Variants in GK observed in about 807,000 individuals in gnomAD.
GK encodes glycerol kinase.
In GK, 9 loss-of-function variants were observed where a neutral mutation model predicts 56.4. That is an observed-to-expected ratio of 0.16 (90% CI 0.10 to 0.28). The LOEUF (loss-of-function observed/expected upper bound fraction) is 0.28, where lower values mean the gene tolerates loss of function less well. Ranked by LOEUF, GK falls within the 10% of genes least tolerant of loss-of-function variation. The pLI, the probability that GK is intolerant of heterozygous loss-of-function variation, is 1.00. For missense variants in GK, 161 were observed against 431.4 expected (o/e 0.37, Z 5.55); for synonymous variants, 104 against 144.1 (o/e 0.72, Z 1.99).
intron 3 of GK, among the ~76,000 whole-genome samples, chrX:30,676,416 A>T (rs768569592): frequency 4.5e-5 from 5 of 112,259 alleles, no homozygotes; most frequent in South Asian, 3.7e-4. Context: ...TCTAGAGAAG[A>T]TTTGAGCTTG....
intron 9 of GK, 182 bp from the exon 10 acceptor site, chrX:30,700,232 C>T: frequency 2.4e-6 from 1 of 415,275 alleles, no homozygotes; most frequent in Non-Finnish European, 4.2e-6. Context: ...ACATCTCTTC[C>T]TGTCATTCTA....
intron 13 of GK, among the ~76,000 whole-genome samples, chrX:30,712,909 A>G (rs1383404012): frequency 9.2e-6 from 1 of 108,366 alleles, no homozygotes; most frequent in African/African-American, 3.4e-5. Context: ...TATTTTTAGT[A>G]AAGACTGGAA....
chrX:30,672,936 A>C (rs1042591145), intron 3 of GK, among the ~76,000 whole-genome samples: 1 of 111,944 alleles, frequency 8.9e-6, no homozygotes, highest in Admixed American at 9.6e-5. Flanking sequence ...TTTTCTCCTA[A>C]AAAATGTGTT....
chrX:30,662,726 T>C (rs781217206), intron 1 of GK, among the ~76,000 whole-genome samples: 2 of 103,931 alleles, frequency 1.9e-5, no homozygotes, highest in Admixed American at 1.1e-4. Flanking sequence ...TCTTTCTTTC[T>C]TTCTTTCTTT....
chrX:30,697,191 A>T (rs1046140841), intron 8 of GK, among the ~76,000 whole-genome samples: 4 of 112,227 alleles, frequency 3.6e-5, no homozygotes, highest in African/African-American at 1.3e-4. Flanking sequence ...TTTACTTTTG[A>T]TTTCACTGAA....
intron 20 of GK, among the ~76,000 whole-genome samples, chrX:30,728,356 T>G (rs1937229269): frequency 9.0e-6 from 1 of 111,061 alleles, no homozygotes; most frequent in South Asian, 3.8e-4. Flanking sequence ...AATTCATGAT[T>G]AGGGTTTCAT....
At chrX:30,669,816 T>C (rs765470210) in intron 3 of GK, among the ~76,000 whole-genome samples, 1 of 111,584 alleles carries the variant, frequency 9.0e-6, no homozygotes, top group Non-Finnish European at 1.9e-5. Context: ...TACAAATCTA[T>C]AGAGTGCCTA....
chrX:30,674,398 A>T (rs1179249408), intron 3 of GK: 1 of 329,355 alleles, frequency 3.0e-6, no homozygotes, highest in Non-Finnish European at 5.9e-6. Flanking sequence ...TCTCCTGCCA[A>T]CTTTCCTTCA....
intron 5 of GK, among the ~76,000 whole-genome samples, chrX:30,694,166 C>G (rs922490685): frequency 1.8e-5 from 2 of 111,865 alleles, no homozygotes; most frequent in African/African-American, 6.5e-5. Flanking sequence ...ATTTAATTTT[C>G]TCTTTACCTT....
chrX:30,674,458 C>G (rs1933743018), intron 3 of GK: 1 of 311,096 alleles, frequency 3.2e-6, no homozygotes. Flanking sequence ...CCTCCCTCCA[C>G]TTGTGCTGGT....
intron 9 of GK, 26 bp from the exon 10 acceptor site, chrX:30,700,388 A>G: frequency 1.7e-6 from 2 of 1,179,706 alleles, no homozygotes; most frequent in Non-Finnish European, 2.3e-6. Context: ...GTGACTATTC[A>G]TAATCCTTTT....
Position 30,719,322 on chromosome X carries a change from C to T in GK, c.1055-97C>T, listed in dbSNP as rs1936781580. ...TCTACCAATGAATTGGAAACCAAAA[C>T]CCCTGTCCTAATTTTTCTAATTTTT... On this transcript the variant is annotated intron_variant, in intron 14 of 20. Coordinates refer to ENST00000427190, the MANE Select transcript of GK (RefSeq NM_001205019.2). 3 of 558,349 alleles carry T rather than the reference C, an allele frequency of 5.4e-6. No individual in the cohort carries two copies. In the Admixed American group the frequency reaches 8.3e-5, roughly 15 times the overall value. The allele number at this position is 558,349 out of a possible 1,213,427, so 46.0% of individuals were successfully genotyped here. A position where few individuals can be genotyped will look rare whatever the true frequency, so the allele number is the denominator to read the frequency against.
At chrX:30,712,712 C>CTTTTATTTTTTTTTTT (rs1936390838) in intron 13 of GK, among the ~76,000 whole-genome samples, 1 of 71,446 alleles carries the variant, frequency 1.4e-5, no homozygotes, top group Non-Finnish European at 2.7e-5. Flanking sequence ...TTTCTTTTTT[C>CTTTTATTTTTTTTTTT]TTTTCTTTTT....
chrX:30,657,729 T>C lies in GK; in HGVS notation c.78+4114T>C, dbSNP rs1465265507. On this transcript the variant is annotated intron_variant, in intron 1 of 20. Coordinates refer to ENST00000427190, the MANE Select transcript of GK (RefSeq NM_001205019.2). ...GTAACTGGTGGAGCTAGGATTCAAG[T>C]CCAGGTCTGTTATACTCTGAAACCA... Among the ~76,000 whole-genome samples, 3 of 111,794 alleles carry C rather than the reference T, an allele frequency of 2.7e-5. No individual in the cohort carries two copies. In the East Asian group the frequency reaches 8.4e-4, roughly 31 times the overall value.
At chrX:30,666,886 G>A (rs935338403) in intron 2 of GK, among the ~76,000 whole-genome samples, 5 of 111,641 alleles carry the variant, frequency 4.5e-5, no homozygotes, top group African/African-American at 1.6e-4. Context: ...TTGGCGCGGT[G>A]GCTCACGCCT....
chrX:30,675,283 C>T (rs1933804779), intron 3 of GK, among the ~76,000 whole-genome samples: 2 of 107,353 alleles, frequency 1.9e-5, no homozygotes, highest in South Asian at 8.5e-4. Flanking sequence ...GCAAGCTCCG[C>T]CTCCCAGGTT....
rs759391439 is a variant in GK, at chrX:30,721,016, G to A, written c.1501+21G>A. On this transcript the variant is annotated intron_variant, in intron 18 of 20. Transcript: ENST00000427190. ...GGAGGGTACATTTAAAGAATGAAATGTTCAGTGATATACTGTGAAAACGAC... is the reference window on the plus strand; with the variant it reads ...GGAGGGTACATTTAAAGAATGAAATATTCAGTGATATACTGTGAAAACGAC... 1.0e-5 allele frequency: 12 copies of A among 1,199,713 alleles called. No homozygotes were observed. The South Asian group carries it at 1.9e-4, about 19-fold the overall frequency.
intron 4 of GK, among the ~76,000 whole-genome samples, chrX:30,680,358 AAGTAG>A (rs1934210838): frequency 8.9e-6 from 1 of 112,169 alleles, no homozygotes; most frequent in Admixed American, 9.5e-5. Context: ...ATGTAGCTAT[AAGTAG>A]AGTAAAGCCA....
In GK at chrX:30,728,771, G is replaced by A; in HGVS notation, c.*29G>A. On this transcript the variant is annotated 3_prime_UTR_variant, in exon 21 of 21. Coordinates refer to ENST00000427190, the MANE Select transcript of GK (RefSeq NM_001205019.2). The stretch of plus-strand genomic sequence containing the variant: ...CTACCAACTCATGGATTCCCAAGAT[G>A]TGAGCTTTTTACATAATGAAAGAAC... The A allele has an allele frequency of 3.6e-6, 4 of 1,105,890 alleles. No individual in the cohort carries two copies. Among genetic ancestry groups the A allele is most frequent in the Non-Finnish European group, 5.0e-6 (4 of 800,520 alleles). The allele number at this position is 1,105,890 out of a possible 1,213,427, so 91.1% of individuals were successfully genotyped here.
Sources: gnomAD v4.1 joint callset for allele counts (sites outside exome capture counted in the v4.1 genomes callset) on GRCh38, gnomAD v4.1.1 for gene constraint, MANE v1.5 for transcripts, NCBI Gene and HGNC (gene_info 2026-07-23, HGNC 2026-07-21) for gene names.